The following TECRL variants were observed in gnomAD, a reference collection of about 807,000 sequenced individuals.
TECRL encodes trans-2,3-enoyl-CoA reductase like.
TECRL carries 63 observed loss-of-function variants against 52.8 expected under a neutral mutation model. The observed-to-expected ratio is 1.19, with a 90% CI of 0.97 to 1.47. TECRL has a LOEUF of 1.47. Ranked by LOEUF, TECRL falls within the 40% of genes most tolerant of loss-of-function variation. TECRL has a pLI of 0.00. For missense variants in TECRL, 482 were observed against 429.6 expected (o/e 1.12, Z -1.08); for synonymous variants, 164 against 141.9 (o/e 1.16, Z -1.10).
At chr4:64,282,270 C>G (rs992732202) in intron 9 of TECRL, among the ~76,000 whole-genome samples, 8 of 151,834 alleles carry the variant, frequency 5.3e-5, no homozygotes, top group African/African-American at 1.7e-4. Context: ...GAACTTGGAG[C>G]TGTGACATTT....
At chr4:64,409,093 C>CA in intron 1 of TECRL, 25 bp downstream of exon 1, 1 of 1,538,626 alleles carries the variant, frequency 6.5e-7, no homozygotes, top group Non-Finnish European at 8.8e-7. Context: ...AACAAACAAA[C>CA]AAATAAATAA....
rs184181077 is a variant in TECRL, at chr4:64,282,621, C to A, written c.833-1062G>T. On this transcript the variant is annotated intron_variant, in intron 9 of 11. Transcript: ENST00000381210. Reference sequence around the variant, plus strand: ...AGTTATAGTTACTGAATTTCAGAGGCAGAAGTTTCAGGAAATAGTCTGCTT... The same window carrying A: ...AGTTATAGTTACTGAATTTCAGAGGAAGAAGTTTCAGGAAATAGTCTGCTT... 7.9e-5 allele frequency among the ~76,000 whole-genome samples: 12 copies of A among 151,926 alleles called. No individual in the cohort carries two copies. In the East Asian group the frequency reaches 2.3e-3, roughly 29 times the overall value.
At chr4:64,399,865 T>C (rs1485460500) in intron 1 of TECRL, among the ~76,000 whole-genome samples, 1 of 152,108 alleles carries the variant, frequency 6.6e-6, no homozygotes, top group Non-Finnish European at 1.5e-5. Flanking sequence ...ACTAGGGCAG[T>C]GGGAAGCCAT....
intron 9 of TECRL, among the ~76,000 whole-genome samples, chr4:64,288,080 C>T (rs544966013): frequency 1.1e-3 from 171 of 151,340 alleles, no homozygotes; most frequent in South Asian, 1.9e-3. Flanking sequence ...CGCTTAAAGG[C>T]AGAAGTTGCA....
rs1204372706 is a variant in TECRL, at chr4:64,409,286, T to C, written c.66A>G (p.Thr22=). The change falls in exon 1 of 12, where the codon ACA becomes ACG. Residue 22 remains threonine, a synonymous_variant. Coordinates refer to ENST00000381210, the MANE Select transcript of TECRL (RefSeq NM_001010874.5). ...RKRALLSQRA[T]RFILKDDMRN... ...TCATATCATCCTTCAGTATGAACCG[T>C]GTAGCTCTTTGGGAAAGTAATGCTC... The C allele has an allele frequency of 6.2e-7, 1 of 1,613,706 alleles. No individual in the cohort carries two copies. The highest frequency in any genetic ancestry group is 1.7e-5 in the Admixed American group (1 of 59,980).
chr4:64,285,671 A>T (rs1167144386), intron 9 of TECRL, among the ~76,000 whole-genome samples: 1 of 152,166 alleles, frequency 6.6e-6, no homozygotes, highest in Non-Finnish European at 1.5e-5. Flanking sequence ...TCAAAAGATG[A>T]GAGTTCACTT....
chr4:64,313,702 C>A (rs778785197), intron 5 of TECRL, among the ~76,000 whole-genome samples: 1 of 149,896 alleles, frequency 6.7e-6, no homozygotes, highest in African/African-American at 2.4e-5. Context: ...AGGATGGTCT[C>A]GATCTCCTGA....
At chr4:64,356,839 C>T (rs1324551276) in intron 2 of TECRL, among the ~76,000 whole-genome samples, 2 of 152,078 alleles carry the variant, frequency 1.3e-5, no homozygotes, top group Non-Finnish European at 2.9e-5. Flanking sequence ...TGAGAATTAC[C>T]CACAGGTGTG....
intron 1 of TECRL, among the ~76,000 whole-genome samples, chr4:64,397,131 T>A (rs763543875): frequency 6.6e-6 from 1 of 152,150 alleles, no homozygotes; most frequent in Non-Finnish European, 1.5e-5. Context: ...TATCTTGAAC[T>A]TTTTTGCTAA....
chr4:64,328,381 A>G, intron 3 of TECRL, 131 bp downstream of exon 3: 1 of 646,002 alleles, frequency 1.5e-6, no homozygotes, highest in Non-Finnish European at 2.6e-6. Flanking sequence ...GTGGAGCTCT[A>G]GTTTGTTGGG....
intron 2 of TECRL, among the ~76,000 whole-genome samples, chr4:64,373,022 G>T (rs140048654): frequency 6.6e-6 from 1 of 151,676 alleles, no homozygotes; most frequent in East Asian, 1.9e-4. Context: ...TATGTTTACA[G>T]ATTTTTCAGG....
rs80233717 is a variant in TECRL, at chr4:64,407,046, C to A, written c.234+2072G>T. 2.9e-3 allele frequency among the ~76,000 whole-genome samples: 433 copies of A among 151,394 alleles called. 14 individuals are homozygous for A. In the East Asian group the frequency reaches 0.056, roughly 20 times the overall value. On this transcript the variant is annotated intron_variant, in intron 1 of 11. Transcript: ENST00000381210. ...AAAAATTAATCTAGAAGACTTTTTT[C>A]TCTGAAGTGTCTCACCACTATTATG... is the stretch of plus-strand genomic sequence containing the variant.
At position 64,284,506 on chromosome 4, in the gene TECRL, A is replaced by C. The variant is rs533396828; in HGVS notation, c.833-2947T>G. Among the ~76,000 whole-genome samples the C allele has an allele frequency of 2.0e-5, 3 of 152,178 alleles. No homozygotes were observed. In the South Asian group the frequency reaches 6.2e-4, roughly 32 times the overall value. On this transcript the variant is annotated intron_variant, in intron 9 of 11. Transcript: ENST00000381210. Reference sequence around the variant, plus strand: ...GAACACCATCATCACTAAGATTCGCATTGGCTCTTTGCTGTATCAGGCTTA... The same window carrying C: ...GAACACCATCATCACTAAGATTCGCCTTGGCTCTTTGCTGTATCAGGCTTA...
chr4:64,292,241 TTATC>T (rs1408782885), intron 8 of TECRL, among the ~76,000 whole-genome samples: 1 of 152,052 alleles, frequency 6.6e-6, no homozygotes, highest in Non-Finnish European at 1.5e-5. Flanking sequence ...GGATTGATGT[TTATC>T]TAAATATGTC....
At chr4:64,294,122 G>C (rs1286825431) in intron 8 of TECRL, among the ~76,000 whole-genome samples, 2 of 151,826 alleles carry the variant, frequency 1.3e-5, no homozygotes, top group African/African-American at 4.8e-5. Flanking sequence ...GAGTAACTGG[G>C]ATTACAGGTG....
chr4:64,314,375 G>A (rs1479241361), intron 5 of TECRL, among the ~76,000 whole-genome samples: 1 of 151,976 alleles, frequency 6.6e-6, no homozygotes, highest in East Asian at 1.9e-4. Flanking sequence ...GAATTTCGCA[G>A]TTGCTCTTGA....
chr4:64,316,016 T>G (rs910844468), intron 4 of TECRL, among the ~76,000 whole-genome samples: 2 of 121,928 alleles, frequency 1.6e-5, no homozygotes, highest in Admixed American at 8.4e-5. Context: ...CTATAGAAAA[T>G]GTTTGCCACT....
At chr4:64,340,501 G>T (rs1719487411) in intron 2 of TECRL, among the ~76,000 whole-genome samples, 1 of 152,230 alleles carries the variant, frequency 6.6e-6, no homozygotes, top group South Asian at 2.1e-4. Context: ...GCCCTACCGG[G>T]TTTGTGCACA....
chr4:64,374,510 A>G (rs1407276419), intron 2 of TECRL, among the ~76,000 whole-genome samples: 1 of 151,956 alleles, frequency 6.6e-6, no homozygotes, highest in Non-Finnish European at 1.5e-5. Flanking sequence ...TGCTGCACCC[A>G]TTAACCCGTC....
Sources: allele counts gnomAD v4.1 joint callset (sites outside exome capture counted in the v4.1 genomes callset), GRCh38; gene constraint gnomAD v4.1.1; transcripts MANE v1.5; gene names NCBI Gene and HGNC (gene_info 2026-07-23, HGNC 2026-07-21).